ERN1: variants seen among roughly 807,000 people sequenced by gnomAD.
ERN1 encodes the protein serine/threonine-protein kinase/endoribonuclease IRE1.
A neutral mutation model predicts 113.1 loss-of-function variants in ERN1; 39 were observed. The ratio of observed to expected loss-of-function variants is 0.34; its 90% CI spans 0.27 to 0.45. The LOEUF is 0.45. Among genes scored for constraint, ERN1 ranks in the 20% least tolerant of loss-of-function variants. The probability of loss-of-function intolerance (pLI) is 1.00; values close to 1 mark genes in which losing one functional copy is unlikely to be tolerated. For synonymous variants in ERN1, 507 were observed against 515.9 expected (o/e 0.98, Z 0.23); for missense variants, 976 against 1,274.8 (o/e 0.77, Z 3.57).
At position 64,054,905 on chromosome 17, in the gene ERN1, C is replaced by G; in HGVS notation, c.1673-77G>C. ...ACCTTGAGGTTAACATAGTGACAAGCTTCCTGACCTCAGATTAAAAGATGG... is the reference window on the plus strand; with the variant it reads ...ACCTTGAGGTTAACATAGTGACAAGGTTCCTGACCTCAGATTAAAAGATGG... On this transcript the variant is annotated intron_variant, in intron 13 of 21. Transcript: ENST00000433197. The surrounding 1 kb of genome is among the most constrained non-coding windows in gnomAD (Gnocchi z 4.9). 1 of 1,085,064 alleles carries G rather than the reference C, an allele frequency of 9.2e-7. No homozygotes were observed. 67.2% of individuals were successfully genotyped at this position (1,085,064 alleles called of 1,614,324 possible).
chr17:64,051,771 C>T (rs1172494949), intron 17 of ERN1, among the ~76,000 whole-genome samples: 1 of 152,176 alleles, frequency 6.6e-6, no homozygotes, highest in African/African-American at 2.4e-5. Context: ...TATCAAAACC[C>T]AGTAGGTAGC....
chr17:64,068,999 AG>A (rs1254404730), intron 6 of ERN1, among the ~76,000 whole-genome samples: 1 of 152,234 alleles, frequency 6.6e-6, no homozygotes, highest in Non-Finnish European at 1.5e-5. Flanking sequence ...GGAACTATAA[AG>A]GGTCCAGGAC....
chr17:64,054,017 G>C lies in ERN1; in HGVS notation c.1953+233C>G. 2.2e-6 allele frequency: 1 copy of C among 461,284 alleles called. No homozygotes were observed. The highest frequency in any genetic ancestry group is 4.1e-5 in the East Asian group (1 of 24,592). The allele number at this position is 461,284 out of a possible 1,614,324, so 28.6% of individuals were successfully genotyped here. On this transcript the variant is annotated intron_variant, in intron 15 of 21. Coordinates refer to ENST00000433197, the MANE Select transcript of ERN1 (RefSeq NM_001433.5). This position sits in a 1 kb window ranked among gnomAD's most constrained non-coding sequence, Gnocchi z 4.9. ...TGCAGTGGCACAATCACTGCTTACT[G>C]CAGCCTTGATCTCCCAGGCTCAAGC...
In ERN1 at chr17:64,057,666, C is replaced by T. The variant is rs559852475; in HGVS notation, c.1398+136G>A. The T allele has an allele frequency of 3.7e-5, 33 of 882,086 alleles. No individual in the cohort carries two copies. The South Asian group carries it at 4.9e-4, about 13-fold the overall frequency. The allele number at this position is 882,086 out of a possible 1,614,324, so 54.6% of individuals were successfully genotyped here. ...TACAGGCGTGAGCCACTGTGCCCGC[C>T]CGGCCAACAAACACTGACTTTTAAA... On this transcript the variant is annotated intron_variant, in intron 12 of 21. Transcript: ENST00000433197.
At chr17:64,111,201 T>C (rs1914662270) in intron 1 of ERN1, among the ~76,000 whole-genome samples, 1 of 152,260 alleles carries the variant, frequency 6.6e-6, no homozygotes, top group Non-Finnish European at 1.5e-5. Context: ...ACTTATGGTA[T>C]ACAACATGAT....
chr17:64,129,695 G>A (rs1020978100), intron 1 of ERN1: 1 of 375,834 alleles, frequency 2.7e-6, no homozygotes, highest in East Asian at 3.9e-5. Flanking sequence ...GCCCGAGCCC[G>A]CGGGGTCCGG....
chr17:64,099,496 T>C (rs918320642), intron 1 of ERN1, among the ~76,000 whole-genome samples: 1 of 151,852 alleles, frequency 6.6e-6, no homozygotes, highest in Non-Finnish European at 1.5e-5. Context: ...TCACATACTA[T>C]CCTACAAATA....
At chr17:64,087,983 C>A (rs1453637858) in intron 2 of ERN1, among the ~76,000 whole-genome samples, 2 of 152,180 alleles carry the variant, frequency 1.3e-5, no homozygotes, top group African/African-American at 4.8e-5. Flanking sequence ...GTCTTTGATG[C>A]AATCAACCAA....
chr17:64,129,201 C>G (rs1398738670), intron 1 of ERN1: 1 of 152,218 alleles, frequency 6.6e-6, no homozygotes, highest in African/African-American at 2.4e-5. Flanking sequence ...CCCTATCATT[C>G]GTCTCCTCCA....
chr17:64,094,626 C>CTT (rs58195537), intron 2 of ERN1, among the ~76,000 whole-genome samples: 32 of 136,398 alleles, frequency 2.3e-4, no homozygotes, highest in African/African-American at 4.3e-4. Flanking sequence ...CCCATCCTTT[C>CTT]TTTTTTTTTT....
chr17:64,040,051 G>C lies in ERN1; in HGVS notation c.*3937C>G, dbSNP rs1912289951. ...GGAGGGTGGAATTTCGGCTCACCTG[G>C]AGAGGATGCCTGATGACTTCCTGCC... On this transcript the variant is annotated 3_prime_UTR_variant, in exon 22 of 22. Coordinates refer to ENST00000433197, the MANE Select transcript of ERN1 (RefSeq NM_001433.5). The C allele has an allele frequency of 6.6e-6, 1 of 152,192 alleles. No homozygotes were observed. Among genetic ancestry groups the C allele is most frequent in the Non-Finnish European group, 1.5e-5 (1 of 68,054 alleles). 9.4% of individuals were successfully genotyped at this position (152,192 alleles called of 1,614,324 possible).
At chr17:64,064,250 G>T in intron 9 of ERN1, 99 bp from the exon 10 acceptor site, 1 of 1,320,776 alleles carries the variant, frequency 7.6e-7, no homozygotes, top group Non-Finnish European at 1.0e-6. Context: ...GCAATTTCTA[G>T]TGCAGGGCTA....
At chr17:64,094,405 C>T (rs958336187) in intron 2 of ERN1, among the ~76,000 whole-genome samples, 2 of 152,104 alleles carry the variant, frequency 1.3e-5, no homozygotes, top group Admixed American at 1.3e-4. Context: ...TTTTAGATTA[C>T]CAGTTCGGTA....
At chr17:64,112,812 T>G (rs1417871143) in intron 1 of ERN1, among the ~76,000 whole-genome samples, 1 of 152,124 alleles carries the variant, frequency 6.6e-6, no homozygotes, top group Non-Finnish European at 1.5e-5. Flanking sequence ...CATAAACCAG[T>G]AAATGCAAAA....
chr17:64,078,291 CTTTTCATATG>C (rs1460675400), intron 4 of ERN1, among the ~76,000 whole-genome samples: 1 of 152,170 alleles, frequency 6.6e-6, no homozygotes, highest in African/African-American at 2.4e-5. Context: ...AATGGAACAT[CTTTTCATATG>C]TTTATGACCA....
chr17:64,101,238 G>A (rs528779119), intron 1 of ERN1, among the ~76,000 whole-genome samples: 5 of 152,138 alleles, frequency 3.3e-5, no homozygotes, highest in African/African-American at 9.6e-5. Flanking sequence ...GCGAAACCTC[G>A]TCTCTACTAA....
At chr17:64,102,187 G>A (rs143391321) in intron 1 of ERN1, among the ~76,000 whole-genome samples, 48 of 152,294 alleles carry the variant, frequency 3.2e-4, no homozygotes, top group African/African-American at 1.2e-3. Context: ...TTGGGAGGCT[G>A]AAGCAGGAGA....
At chr17:64,118,632 T>A (rs1914872941) in intron 1 of ERN1, among the ~76,000 whole-genome samples, 1 of 152,206 alleles carries the variant, frequency 6.6e-6, no homozygotes, top group South Asian at 2.1e-4. Flanking sequence ...TCCAGCCCAC[T>A]CAATGTGATG....
chr17:64,057,873 C>T lies in ERN1; in HGVS notation c.1327G>A (p.Asp443Asn), dbSNP rs1437319459. 1 of 1,613,842 alleles carries T rather than the reference C, an allele frequency of 6.2e-7. No homozygotes were observed. The highest frequency in any genetic ancestry group is 8.5e-7 in the Non-Finnish European group (1 of 1,179,868). ...GTGCTCAGGATGATGGTAGCCATGT[C>T]CTTAAGCATGGAGTCCACGGGGGCC... The part of the protein sequence containing the change: ...PEAPVDSMLK[D>N]MATIILSTFL... The change falls in exon 12 of 22, where the codon GAC (aspartate) becomes AAC (asparagine). Residue 443 changes from aspartate (D) to asparagine (N), a missense_variant. By Grantham distance (23) the Asp-to-Asn change is conservative. Coordinates refer to ENST00000433197, the MANE Select transcript of ERN1 (RefSeq NM_001433.5).
Sources: gnomAD v4.1 joint callset for allele counts (sites outside exome capture counted in the v4.1 genomes callset) on GRCh38, gnomAD v4.1.1 for gene constraint, Gnocchi (gnomAD v3.1) non-coding constraint, MANE v1.5 for transcripts, NCBI Gene and HGNC (gene_info 2026-07-23, HGNC 2026-07-21) for gene names.